PPFIA4: variants seen among roughly 807,000 people sequenced by gnomAD.
PPFIA4 encodes liprin-alpha-4.
Under a neutral mutation model 145.7 loss-of-function variants are expected in PPFIA4, and 98 were observed. That is an observed-to-expected ratio of 0.67 (90% CI 0.57 to 0.80). The LOEUF is 0.80. Among genes scored for constraint, PPFIA4 ranks in the 30% least tolerant of loss-of-function variants. The probability of loss-of-function intolerance (pLI) is 0.00; values close to 1 mark genes in which losing one functional copy is unlikely to be tolerated. For missense variants in PPFIA4, 1,457 were observed against 1,632.7 expected, an observed-to-expected ratio of 0.89 and a Z score of 1.85; for synonymous variants, 628 against 649.6, an observed-to-expected ratio of 0.97 and a Z score of 0.51.
Position 203,056,922 on chromosome 1 carries a change from G to C in PPFIA4, c.2379G>C (p.Gln793His), listed in dbSNP as rs780467381. The C allele has an allele frequency of 1.2e-6, 2 of 1,614,068 alleles. No individual in the cohort carries two copies. Among genetic ancestry groups the C allele is most frequent in the Non-Finnish European group, 1.7e-6 (2 of 1,179,896 alleles). The change falls in exon 19 of 30, where the codon CAG (glutamine) becomes CAC (histidine). Residue 793 changes from glutamine to histidine, a missense_variant. By Grantham distance (24) the Gln-to-His change is conservative. Transcript: ENST00000295706. Reference protein sequence around the residue: ...FGKKEKGRLIQLSRDGATGHV... With the variant: ...FGKKEKGRLIHLSRDGATGHV... The stretch of plus-strand genomic sequence containing the variant: ...AGAAGGAGAAGGGCAGGCTGATCCA[G>C]CTGAGTCGGGATGGAGCCACAGGCC...
chr1:203,049,953 C>T (rs772619505), intron 13 of PPFIA4, among the ~76,000 whole-genome samples, 186 bp downstream of exon 13: 6 of 152,220 alleles, frequency 3.9e-5, no homozygotes, highest in Non-Finnish European at 7.3e-5. Context: ...GGAGGGAACA[C>T]CTGTCCTCCG....
chr1:203,064,125 G>T, intron 25 of PPFIA4, 122 bp downstream of exon 25: 1 of 1,057,960 alleles, frequency 9.5e-7, no homozygotes, highest in African/African-American at 1.6e-5. Flanking sequence ...GTGGCAACAG[G>T]TCTCCCCCTT....
chr1:203,045,785 C>A, intron 7 of PPFIA4, 56 bp from the exon 8 acceptor site: 1 of 1,610,312 alleles, frequency 6.2e-7, no homozygotes, highest in Non-Finnish European at 8.5e-7. Context: ...GAGGTGTAGA[C>A]AGGATGGGGG....
chr1:203,060,161 A>G lies in PPFIA4; in HGVS notation c.2584-56A>G. ...GGCCCTTGCCCCTTGCTGTTGCCAA[A>G]CTCTTGGTGGTAGGGCCCAGGCCTT... On this transcript the variant is annotated intron_variant, in intron 21 of 29. Transcript: ENST00000295706. This position sits in a 1 kb window ranked among gnomAD's most constrained non-coding sequence, Gnocchi z 4.8. 1 of 1,576,386 alleles carries G rather than the reference A, an allele frequency of 6.3e-7. No individual in the cohort carries two copies. The highest frequency in any genetic ancestry group is 8.6e-7 in the Non-Finnish European group (1 of 1,156,154).
intron 19 of PPFIA4, among the ~76,000 whole-genome samples, chr1:203,057,209 GGTCTCCT>G (rs1156929871): frequency 6.6e-6 from 1 of 152,202 alleles, no homozygotes; most frequent in Non-Finnish European, 1.5e-5. Flanking sequence ...GCTGTGGAAA[GGTCTCCT>G]GTATTGAGTG....
chr1:203,056,552 T>C (rs1558088485), intron 18 of PPFIA4, 44 bp downstream of exon 18: 3 of 1,597,286 alleles, frequency 1.9e-6, no homozygotes, highest in Non-Finnish European at 2.6e-6. Flanking sequence ...ATCCACAGGG[T>C]CCTCTCCTCC....
Position 203,056,778 on chromosome 1 carries a change from C to T in PPFIA4, c.2241-6C>T, listed in dbSNP as rs1290124236. On this transcript the variant is annotated splice_polypyrimidine_tract_variant and splice_region_variant and intron_variant, in intron 18 of 29. Coordinates refer to ENST00000295706, the MANE Select transcript of PPFIA4 (RefSeq NM_001304331.2). ...ATTCCGCCCCCTTCTGGCTGTCACC[C>T]TGTAGTGCCTTGGAGGATCAGGGCA... 2 of 1,596,286 alleles carry T rather than the reference C, an allele frequency of 1.3e-6. No homozygotes were observed. The highest frequency in any genetic ancestry group is 1.7e-6 in the Non-Finnish European group (2 of 1,168,140).
intron 1 of PPFIA4, among the ~76,000 whole-genome samples, chr1:203,032,743 G>A (rs76620251): frequency 1.3e-3 from 199 of 151,702 alleles, no homozygotes; most frequent in African/African-American, 4.4e-3. Context: ...TACCATGCCC[G>A]GCCTTCCCCA....
At chr1:203,051,574 A>T in intron 13 of PPFIA4, 195 bp from the exon 14 acceptor site, 1 of 1,030,042 alleles carries the variant, frequency 9.7e-7, no homozygotes, top group East Asian at 3.0e-5. Flanking sequence ...GCTCATTCTG[A>T]CCCCTGGAGC....
At position 203,060,171 on chromosome 1, in the gene PPFIA4, G is replaced by T; in HGVS notation, c.2584-46G>T. 6.3e-7 allele frequency: 1 copy of T among 1,593,172 alleles called. No individual in the cohort carries two copies. The highest frequency in any genetic ancestry group is 8.6e-7 in the Non-Finnish European group (1 of 1,167,122). On this transcript the variant is annotated intron_variant, in intron 21 of 29. Transcript: ENST00000295706. This position sits in a 1 kb window ranked among gnomAD's most constrained non-coding sequence, Gnocchi z 4.8. Reference sequence around the variant, plus strand: ...CCTTGCTGTTGCCAAACTCTTGGTGGTAGGGCCCAGGCCTTGAATTACCTC... The same window carrying T: ...CCTTGCTGTTGCCAAACTCTTGGTGTTAGGGCCCAGGCCTTGAATTACCTC...
In PPFIA4 at chr1:203,062,397, G is replaced by A. The variant is rs1321127539; in HGVS notation, c.2874+719G>A. 2.7e-5 allele frequency among the ~76,000 whole-genome samples: 4 copies of A among 146,056 alleles called. No homozygotes were observed. The East Asian group carries it at 6.3e-4, about 23-fold the overall frequency. On this transcript the variant is annotated intron_variant, in intron 24 of 29. Coordinates refer to ENST00000295706, the MANE Select transcript of PPFIA4 (RefSeq NM_001304331.2). Reference sequence around the variant, plus strand: ...CGTGAGGCTGAGGCAGGAGAATGGCGTGAACCTGGGAGGCGGAGCTTGCAG... The same window carrying A: ...CGTGAGGCTGAGGCAGGAGAATGGCATGAACCTGGGAGGCGGAGCTTGCAG...
At position 203,059,776 on chromosome 1, in the gene PPFIA4, G is replaced by A; in HGVS notation, c.2508G>A (p.Gln836=). ...TTGTTCCTCTTCCTATAAGACACCA[G>A]CTGCTTGAAGATGCCCGCAGGAAAG... ...EKDRRLKKKH[Q]LLEDARRKGM... The change falls in exon 21 of 30, where the codon CAG becomes CAA. Residue 836 remains glutamine, a synonymous_variant. Coordinates refer to ENST00000295706, the MANE Select transcript of PPFIA4 (RefSeq NM_001304331.2). 1 of 1,613,378 alleles carries A rather than the reference G, an allele frequency of 6.2e-7. No individual in the cohort carries two copies. The highest frequency in any genetic ancestry group is 8.5e-7 in the Non-Finnish European group (1 of 1,179,614).
In PPFIA4 at chr1:203,044,772, A is replaced by G. The variant is rs757061776; in HGVS notation, c.653A>G (p.Lys218Arg). The G allele has an allele frequency of 7.7e-6, 12 of 1,563,386 alleles. No homozygotes were observed. The African/African-American group carries it at 1.1e-4, about 14-fold the overall frequency. ...EEEGTVELGPKRLWKEDTGRV... is the reference protein window; with the variant it reads ...EEEGTVELGPRRLWKEDTGRV... ...GAGGGGACTGTGGAGCTGGGGCCGA[A>G]ACGCCTGTGGAAGGTAGGTCATGGA... is the stretch of plus-strand genomic sequence containing the variant. Residue 218 changes from lysine to arginine, a missense_variant, in exon 6 of 30, where the codon AAA becomes AGA. By Grantham distance (26) the Lys-to-Arg change is conservative. This residue lies in a region of PPFIA4 where 463 missense variants were observed against 459.8 expected (regional missense o/e 1.01). Transcript: ENST00000295706.
At chr1:203,030,447 T>C (rs1030065848) in intron 1 of PPFIA4, among the ~76,000 whole-genome samples, 1 of 151,764 alleles carries the variant, frequency 6.6e-6, no homozygotes, top group African/African-American at 2.4e-5. Flanking sequence ...TGCAGGGGGG[T>C]GACCCCAGAA....
At chr1:203,067,557 G>A in intron 25 of PPFIA4, 138 bp from the exon 26 acceptor site, 1 of 695,464 alleles carries the variant, frequency 1.4e-6, no homozygotes, top group Non-Finnish European at 2.5e-6. Context: ...TGGGGAAGGA[G>A]GAGCATGAGG....
chr1:203,060,856 C>G lies in PPFIA4; in HGVS notation c.2785-114C>G, dbSNP rs1313928894. ...GCCATCTCCATGATTGAGACCAGCC[C>G]CCATTTCAGAGGACTCAGGGAGGGA... On this transcript the variant is annotated intron_variant, in intron 22 of 29. Coordinates refer to ENST00000295706, the MANE Select transcript of PPFIA4 (RefSeq NM_001304331.2). The surrounding 1 kb of genome is among the most constrained non-coding windows in gnomAD (Gnocchi z 4.8). 3 of 901,828 alleles carry G rather than the reference C, an allele frequency of 3.3e-6. No individual in the cohort carries two copies. The highest frequency in any genetic ancestry group is 5.4e-6 in the Non-Finnish European group (3 of 553,548). 55.9% of individuals were successfully genotyped at this position (901,828 alleles called of 1,614,324 possible). A position where few individuals can be genotyped will look rare whatever the true frequency, so the allele number is the denominator to read the frequency against.
intron 1 of PPFIA4, among the ~76,000 whole-genome samples, chr1:203,033,719 C>T (rs1362139479): frequency 6.6e-6 from 1 of 152,128 alleles, no homozygotes; most frequent in African/African-American, 2.4e-5. Context: ...TGGCTCACAC[C>T]TATAATACTA....
chr1:203,056,277 C>G (rs1660939496), intron 17 of PPFIA4, 98 bp from the exon 18 acceptor site: 1 of 1,595,644 alleles, frequency 6.3e-7, no homozygotes, highest in Admixed American at 1.7e-5. Context: ...CCAGGGCCTC[C>G]CCACTGCATT....
rs1205700281 is a variant in PPFIA4 at position 203,046,394 on chromosome 1, A to G, written c.1140+12A>G. Reference sequence around the variant, plus strand: ...CAGCCCTCACCAAGGCAAGTGGGCCAGGGGCCTGGGATCTGCCTCTGTCCC... The same window carrying G: ...CAGCCCTCACCAAGGCAAGTGGGCCGGGGGCCTGGGATCTGCCTCTGTCCC... On this transcript the variant is annotated intron_variant, in intron 9 of 29. Coordinates refer to ENST00000295706, the MANE Select transcript of PPFIA4 (RefSeq NM_001304331.2). The G allele has an allele frequency of 6.3e-7, 1 of 1,579,790 alleles. No individual in the cohort carries two copies. Among genetic ancestry groups the G allele is most frequent in the Non-Finnish European group, 8.6e-7 (1 of 1,164,336 alleles).
Sources: allele counts gnomAD v4.1 joint callset (sites outside exome capture counted in the v4.1 genomes callset), GRCh38; gene constraint gnomAD v4.1.1; regional missense constraint gnomAD v4.1.1; non-coding constraint Gnocchi (gnomAD v3.1); transcripts MANE v1.5; gene names NCBI Gene and HGNC (gene_info 2026-07-23, HGNC 2026-07-21).